Variants in TWIST2 observed in about 807,000 individuals in gnomAD.
The protein encoded by TWIST2 is twist-related protein 2.
In TWIST2, 1 loss-of-function variant was observed where a neutral mutation model predicts 11.6. The ratio of observed to expected loss-of-function variants is 0.09; its 90% CI spans 0.03 to 0.41. The LOEUF is 0.41. TWIST2 is among the 10% of genes least tolerant of loss of function. The probability of loss-of-function intolerance (pLI) is 0.98; values close to 1 mark genes in which losing one functional copy is unlikely to be tolerated. For missense variants in TWIST2, 168 were observed against 226.4 expected, an observed-to-expected ratio of 0.74 and a Z score of 1.66; for synonymous variants, 87 against 96.6, an observed-to-expected ratio of 0.90 and a Z score of 0.58.
At chr2:238,905,910 T>TGC (rs1457805175) in intron 1 of TWIST2, among the ~76,000 whole-genome samples, 613 of 51,844 alleles carry the variant, frequency 0.012, 1 homozygote, top group African/African-American at 0.056. Context: ...TGTGCGTGTG[T>TGC]GTGCGTGCAG....
At chr2:238,881,931 T>A (rs960277172) in intron 1 of TWIST2, among the ~76,000 whole-genome samples, 1 of 152,118 alleles carries the variant, frequency 6.6e-6, no homozygotes, top group Non-Finnish European at 1.5e-5. Context: ...AGCCACTCTG[T>A]GAAGGGACTG....
chr2:238,902,629 G>A (rs1342847062), intron 1 of TWIST2, among the ~76,000 whole-genome samples: 2 of 147,788 alleles, frequency 1.4e-5, no homozygotes, highest in Admixed American at 6.7e-5. Flanking sequence ...TGTGAGGTGT[G>A]TGATATGAGG....
intron 1 of TWIST2, among the ~76,000 whole-genome samples, chr2:238,889,376 CATAT>C (rs997015192): frequency 6.6e-6 from 1 of 152,096 alleles, no homozygotes; most frequent in Non-Finnish European, 1.5e-5. Flanking sequence ...TATATACACA[CATAT>C]ATATACACAT....
intron 1 of TWIST2, among the ~76,000 whole-genome samples, chr2:238,896,068 T>C (rs1424561892): frequency 1.3e-5 from 2 of 151,814 alleles, no homozygotes; most frequent in African/African-American, 4.8e-5. Flanking sequence ...GTAAATATGG[T>C]CATTCCCACA....
chr2:238,871,705 G>T (rs1023401074), intron 1 of TWIST2, among the ~76,000 whole-genome samples: 3 of 141,480 alleles, frequency 2.1e-5, no homozygotes, highest in Admixed American at 7.5e-5. Context: ...ACGATGGAAT[G>T]TCATTCTGCC....
intron 1 of TWIST2, among the ~76,000 whole-genome samples, chr2:238,897,449 C>T (rs1437111913): frequency 1.3e-5 from 2 of 152,190 alleles, no homozygotes; most frequent in Non-Finnish European, 2.9e-5. Context: ...CCCCCTACAG[C>T]ACCCAGCAAG....
chr2:238,870,561 CCACACACCACACACCA>C (rs1692657960), intron 1 of TWIST2, among the ~76,000 whole-genome samples: 1 of 98,134 alleles, frequency 1.0e-5, no homozygotes, highest in Non-Finnish European at 2.0e-5. Flanking sequence ...CCCACACACA[CCACACACCACACACCA>C]CACACACACA....
chr2:238,900,190 T>G (rs1693252292), intron 1 of TWIST2, among the ~76,000 whole-genome samples: 1 of 152,214 alleles, frequency 6.6e-6, no homozygotes, highest in Non-Finnish European at 1.5e-5. Context: ...TCCTGCTTTT[T>G]CTTGGATGAG....
intron 1 of TWIST2, among the ~76,000 whole-genome samples, chr2:238,890,662 C>T (rs948225060): frequency 6.6e-6 from 1 of 152,208 alleles, no homozygotes; most frequent in African/African-American, 2.4e-5. Flanking sequence ...GAGCATGCTA[C>T]AGTTTATAAA....
chr2:238,905,920 G>C (rs1329562508), intron 1 of TWIST2, among the ~76,000 whole-genome samples: 1 of 113,106 alleles, frequency 8.8e-6, no homozygotes, highest in African/African-American at 3.6e-5. Flanking sequence ...TGTGCGTGCA[G>C]GTGTGCGTGT....
In TWIST2 at chr2:238,864,578, A is replaced by T. The variant is rs1020727696; in HGVS notation, c.*35+15845A>T. ...GGTCAGCCTGGGGAGGGGAGAACTA[A>T]GGGCACCAGGCAGCCCACCCGGCCC... On this transcript the variant is annotated intron_variant, in intron 1 of 1. Coordinates refer to ENST00000612363, the MANE Select transcript of TWIST2 (RefSeq NM_001271893.4). This position sits in a 1 kb window ranked among gnomAD's most constrained non-coding sequence, Gnocchi z 4.7. 6.6e-6 allele frequency among the ~76,000 whole-genome samples: 1 copy of T among 151,714 alleles called. No homozygotes were observed. The highest frequency in any genetic ancestry group is 2.4e-5 in the African/African-American group (1 of 41,320).
intron 1 of TWIST2, among the ~76,000 whole-genome samples, chr2:238,873,267 G>A (rs562749828): frequency 6.6e-6 from 1 of 152,258 alleles, no homozygotes; most frequent in East Asian, 1.9e-4. Context: ...AGAAGTCAAG[G>A]CAGTTCCTGT....
chr2:238,852,082 T>A (rs1185545922), intron 1 of TWIST2, among the ~76,000 whole-genome samples: 1 of 152,136 alleles, frequency 6.6e-6, no homozygotes, highest in Non-Finnish European at 1.5e-5. Flanking sequence ...TGCTTCACTC[T>A]GTTCTGGGTA....
At chr2:238,881,565 A>C (rs971821795) in intron 1 of TWIST2, among the ~76,000 whole-genome samples, 1 of 151,880 alleles carries the variant, frequency 6.6e-6, no homozygotes, top group African/African-American at 2.4e-5. Context: ...TAGCGTTAGA[A>C]TTTATTAGTA....
At chr2:238,905,343 T>G (rs1407104357) in intron 1 of TWIST2, among the ~76,000 whole-genome samples, 2 of 152,188 alleles carry the variant, frequency 1.3e-5, no homozygotes, top group Non-Finnish European at 2.9e-5. Flanking sequence ...GCAGCACGCA[T>G]GCACACAGTT....
At chr2:238,871,889 G>A (rs893690001) in intron 1 of TWIST2, among the ~76,000 whole-genome samples, 13 of 152,130 alleles carry the variant, frequency 8.5e-5, no homozygotes, top group East Asian at 3.9e-4. Flanking sequence ...GCCGGGGGCC[G>A]AGGGGAGGAG....
At chr2:238,855,185 T>C (rs187134279) in intron 1 of TWIST2, among the ~76,000 whole-genome samples, 1 of 152,304 alleles carries the variant, frequency 6.6e-6, no homozygotes, top group Admixed American at 6.5e-5. Flanking sequence ...AATCTCAGTC[T>C]CAGGGAGACT....
Position 238,866,279 on chromosome 2 carries a change from T to A in TWIST2, c.*35+17546T>A, listed in dbSNP as rs943057662. ...CCCCAGGCCAGGAGCATGTCTGTCC[T>A]TTTCACCCTGTACCCAGCACTTGGA... On this transcript the variant is annotated intron_variant, in intron 1 of 1. Coordinates refer to ENST00000612363, the MANE Select transcript of TWIST2 (RefSeq NM_001271893.4). This position sits in a 1 kb window ranked among gnomAD's most constrained non-coding sequence, Gnocchi z 4.9. Among the ~76,000 whole-genome samples the A allele has an allele frequency of 6.6e-6, 1 of 152,168 alleles. No homozygotes were observed. The highest frequency in any genetic ancestry group is 6.5e-5 in the Admixed American group (1 of 15,286).
At chr2:238,885,489 G>A (rs74001795) in intron 1 of TWIST2, among the ~76,000 whole-genome samples, 8,366 of 152,198 alleles carry the variant, frequency 0.055, 760 homozygotes, top group African/African-American at 0.19. Flanking sequence ...CGTCTACTGC[G>A]TCAGCCATAG....
Sources: gnomAD v4.1 joint callset for allele counts (sites outside exome capture counted in the v4.1 genomes callset) on GRCh38, gnomAD v4.1.1 for gene constraint, Gnocchi (gnomAD v3.1) non-coding constraint, MANE v1.5 for transcripts, NCBI Gene and HGNC (gene_info 2026-07-23, HGNC 2026-07-21) for gene names.